Variants in BTBD9 observed in about 807,000 individuals in gnomAD.
BTBD9 encodes the protein BTB/POZ domain-containing protein 9.
Under a neutral mutation model 64.3 loss-of-function variants are expected in BTBD9, and 49 were observed. The ratio of observed to expected loss-of-function variants is 0.76; its 90% confidence interval spans 0.61 to 0.97. BTBD9 has a LOEUF of 0.97. Among genes scored for constraint, BTBD9 ranks in the 50% least tolerant of loss-of-function variants. The pLI, the probability that BTBD9 is intolerant of heterozygous loss-of-function variation, is 0.00. For missense variants in BTBD9, 598 were observed against 762.1 expected (o/e 0.78, Z 2.53); for synonymous variants, 260 against 274.7 (o/e 0.95, Z 0.53).
intron 7 of BTBD9, among the ~76,000 whole-genome samples, chr6:38,299,524 G>A (rs200145459): frequency 6.6e-6 from 1 of 152,064 alleles, no homozygotes; most frequent in Non-Finnish European, 1.5e-5. Flanking sequence ...ACCTGTTGTT[G>A]CCTGACTTTT....
intron 9 of BTBD9, among the ~76,000 whole-genome samples, chr6:38,202,085 G>GTTTTT (rs147043026): frequency 2.5e-5 from 3 of 120,612 alleles, no homozygotes; most frequent in East Asian, 3.3e-4. Flanking sequence ...CGTTTTTTTT[G>GTTTTT]TTTTTTTTTT....
chr6:38,361,871 A>G (rs1764976959), intron 6 of BTBD9, among the ~76,000 whole-genome samples: 1 of 151,432 alleles, frequency 6.6e-6, no homozygotes, highest in Non-Finnish European at 1.5e-5. Context: ...ACCACAGGAA[A>G]AAAAAAAAAC....
chr6:38,351,371 C>A (rs1490570940), intron 6 of BTBD9, among the ~76,000 whole-genome samples: 2 of 151,946 alleles, frequency 1.3e-5, no homozygotes, highest in Non-Finnish European at 2.9e-5. Flanking sequence ...GAAGAGCAAA[C>A]AAAACAGAAA....
At chr6:38,426,034 C>A (rs770212189) in intron 6 of BTBD9, among the ~76,000 whole-genome samples, 1 of 151,666 alleles carries the variant, frequency 6.6e-6, no homozygotes, top group Non-Finnish European at 1.5e-5. Context: ...TTCTTGATGT[C>A]TTTACAAAAA....
chr6:38,353,588 G>A (rs1230333132), intron 6 of BTBD9, among the ~76,000 whole-genome samples: 1 of 152,160 alleles, frequency 6.6e-6, no homozygotes. Flanking sequence ...CTGAAACCAA[G>A]AAGTATACTT....
chr6:38,401,704 T>C (rs1766934873), intron 6 of BTBD9, among the ~76,000 whole-genome samples: 1 of 152,224 alleles, frequency 6.6e-6, no homozygotes. Flanking sequence ...TATAGTCAAA[T>C]GGTTAAGAAA....
intron 6 of BTBD9, among the ~76,000 whole-genome samples, chr6:38,460,912 C>G (rs1188910808): frequency 2.6e-5 from 4 of 152,180 alleles, no homozygotes; most frequent in South Asian, 4.1e-4. Context: ...TGTGAGCCAC[C>G]ACGCCCGGCC....
At chr6:38,595,569 GA>G (rs1776997379) in intron 2 of BTBD9, among the ~76,000 whole-genome samples, 1 of 152,156 alleles carries the variant, frequency 6.6e-6, no homozygotes, top group Admixed American at 6.5e-5. Context: ...GAATGAGAAA[GA>G]AAAGATGCAA....
intron 1 of BTBD9, among the ~76,000 whole-genome samples, chr6:38,621,467 G>A (rs900122350): frequency 1.3e-5 from 2 of 152,168 alleles, no homozygotes; most frequent in East Asian, 3.9e-4. Context: ...GTGGAGAATG[G>A]GATGCGAAGG....
rs1554143839 is a variant in BTBD9, at chr6:38,375,931, G to GA, written c.1155-30839dup. On this transcript the variant is annotated intron_variant, in intron 6 of 10. Coordinates refer to ENST00000481247, the MANE Select transcript of BTBD9 (RefSeq NM_001099272.2). ...AGAAAGAAAGAAAGAAAGAAAGAAAGAAAGAAAGAAGGAAAGAAGGAAAGA... is the reference window on the plus strand; with the variant it reads ...AGAAAGAAAGAAAGAAAGAAAGAAAGAAAAGAAAGAAGGAAAGAAGGAAAGA... Among the ~76,000 whole-genome samples, 3 of 133,222 alleles carry GA rather than the reference G, an allele frequency of 2.3e-5. No homozygotes were observed. The East Asian group carries it at 9.3e-4, about 41-fold the overall frequency. 87.4% of individuals were successfully genotyped at this position (133,222 alleles called of 152,430 possible).
At position 38,416,278 on chromosome 6, in the gene BTBD9, G is replaced by C. The variant is rs1278605641; in HGVS notation, c.1155-71185C>G. Among the ~76,000 whole-genome samples, 3 of 151,746 alleles carry C rather than the reference G, an allele frequency of 2.0e-5. 1 individual carries two copies. The highest frequency in any genetic ancestry group is 7.3e-5 in the African/African-American group (3 of 41,298). Reference sequence around the variant, plus strand: ...CCTAATCTCTTTATTTGTAAGGGCAGCTTCTAAGAGGTAGTGCTGTAGTCA... The same window carrying C: ...CCTAATCTCTTTATTTGTAAGGGCACCTTCTAAGAGGTAGTGCTGTAGTCA... On this transcript the variant is annotated intron_variant, in intron 6 of 10. Coordinates refer to ENST00000481247, the MANE Select transcript of BTBD9 (RefSeq NM_001099272.2).
chr6:38,597,141 C>T (rs1340310804), intron 2 of BTBD9, among the ~76,000 whole-genome samples: 4 of 152,212 alleles, frequency 2.6e-5, no homozygotes, highest in Non-Finnish European at 5.9e-5. Flanking sequence ...ACATGTCTGA[C>T]TCTAGGTGTT....
intron 6 of BTBD9, among the ~76,000 whole-genome samples, chr6:38,409,944 T>A (rs115877215): frequency 0.016 from 2,476 of 152,308 alleles, 35 homozygotes; most frequent in Non-Finnish European, 0.021. Context: ...AACTAATTTA[T>A]CCAGTCAGTT....
At chr6:38,486,268 T>C (rs1183630951) in intron 6 of BTBD9, among the ~76,000 whole-genome samples, 1 of 152,218 alleles carries the variant, frequency 6.6e-6, no homozygotes, top group Non-Finnish European at 1.5e-5. Flanking sequence ...AATGGCTGCT[T>C]TGCTTTCTTA....
chr6:38,525,362 T>G (rs892949690), intron 6 of BTBD9, among the ~76,000 whole-genome samples: 6 of 152,198 alleles, frequency 3.9e-5, no homozygotes, highest in Non-Finnish European at 8.8e-5. Flanking sequence ...ATGAGTCAAT[T>G]AAACCTCTGT....
chr6:38,421,972 C>T (rs188575962), intron 6 of BTBD9, among the ~76,000 whole-genome samples: 1 of 152,222 alleles, frequency 6.6e-6, no homozygotes, highest in Admixed American at 6.5e-5. Context: ...CAGAATGAAG[C>T]ATAAGGGATT....
chr6:38,610,712 G>A (rs1157150880), intron 1 of BTBD9, among the ~76,000 whole-genome samples: 2 of 152,088 alleles, frequency 1.3e-5, no homozygotes, highest in Non-Finnish European at 2.9e-5. Flanking sequence ...AGTCCTTCAA[G>A]CTCTAAAACT....
At chr6:38,333,668 A>G (rs990031207) in intron 7 of BTBD9, among the ~76,000 whole-genome samples, 2 of 152,184 alleles carry the variant, frequency 1.3e-5, no homozygotes, top group Non-Finnish European at 2.9e-5. Flanking sequence ...GCCTTTTGCC[A>G]TGACTGTAAG....
At chr6:38,191,209 T>C (rs1223607710) in intron 10 of BTBD9, among the ~76,000 whole-genome samples, 1 of 152,188 alleles carries the variant, frequency 6.6e-6, no homozygotes, top group African/African-American at 2.4e-5. Flanking sequence ...AAGAAACACA[T>C]TGTAGATGTG....
Sources: gnomAD v4.1 joint callset for allele counts (sites outside exome capture counted in the v4.1 genomes callset) on GRCh38, gnomAD v4.1.1 for gene constraint, MANE v1.5 for transcripts, NCBI Gene and HGNC (gene_info 2026-07-23, HGNC 2026-07-21) for gene names.